Variants in NR3C2 observed in about 807,000 individuals in gnomAD.
The protein encoded by NR3C2 is mineralocorticoid receptor.
NR3C2 carries 15 observed loss-of-function variants against 86.4 expected under a neutral mutation model. The observed-to-expected ratio is 0.17, with a 90% confidence interval of 0.12 to 0.27. The LOEUF (loss-of-function observed/expected upper bound fraction) is 0.27, where lower values mean the gene tolerates loss of function less well. Among genes scored for constraint, NR3C2 ranks in the 10% least tolerant of loss-of-function variants. The pLI, the probability that NR3C2 is intolerant of heterozygous loss-of-function variation, is 1.00. For synonymous variants in NR3C2, 458 were observed against 450.5 expected, an observed-to-expected ratio of 1.02 and a Z score of -0.21; for missense variants, 960 against 1,195.6, an observed-to-expected ratio of 0.80 and a Z score of 2.91.
At chr4:148,412,840 CA>C (rs1579268602) in intron 2 of NR3C2, among the ~76,000 whole-genome samples, 2 of 130,200 alleles carry the variant, frequency 1.5e-5, no homozygotes, top group African/African-American at 2.7e-5. Flanking sequence ...CACACACACA[CA>C]CCCCTTAGTT....
At chr4:148,284,713 T>A (rs1168604926) in intron 2 of NR3C2, among the ~76,000 whole-genome samples, 5 of 152,154 alleles carry the variant, frequency 3.3e-5, no homozygotes, top group African/African-American at 1.2e-4. Context: ...ATCCAATTAG[T>A]GCTTTCTGCC....
At chr4:148,296,221 T>C (rs1008980762) in intron 2 of NR3C2, among the ~76,000 whole-genome samples, 2 of 152,008 alleles carry the variant, frequency 1.3e-5, no homozygotes, top group African/African-American at 4.8e-5. Flanking sequence ...AGAATGAAAG[T>C]ACATTTTTTT....
At chr4:148,104,345 T>C (rs978426978) in intron 8 of NR3C2, among the ~76,000 whole-genome samples, 5 of 138,372 alleles carry the variant, frequency 3.6e-5, no homozygotes, top group Non-Finnish European at 7.7e-5. Flanking sequence ...TGGTTTGGTT[T>C]TTTTTTTTTT....
At chr4:148,304,139 CT>C (rs35745299) in intron 2 of NR3C2, among the ~76,000 whole-genome samples, 42,048 of 151,856 alleles carry the variant, frequency 0.28, 5,875 homozygotes, top group Middle Eastern at 0.44. Flanking sequence ...CCTGAGTTTC[CT>C]TTTTCCGCCT....
At chr4:148,205,281 A>G (rs748868046) in intron 3 of NR3C2, among the ~76,000 whole-genome samples, 3 of 152,264 alleles carry the variant, frequency 2.0e-5, no homozygotes, top group Non-Finnish European at 4.4e-5. Context: ...GTTTTGCCAC[A>G]TGCACAAATA....
intron 3 of NR3C2, among the ~76,000 whole-genome samples, chr4:148,210,729 C>T (rs527362461): frequency 6.6e-6 from 1 of 152,252 alleles, no homozygotes; most frequent in South Asian, 2.1e-4. Context: ...AAGTGCAAAG[C>T]AATCATAATA....
chr4:148,153,998 T>A (rs894742433), intron 5 of NR3C2, among the ~76,000 whole-genome samples: 1 of 151,002 alleles, frequency 6.6e-6, no homozygotes, highest in Admixed American at 6.6e-5. Context: ...TATGTCATTT[T>A]TTTTATTTTT....
chr4:148,222,922 C>T (rs1002609435), intron 3 of NR3C2, among the ~76,000 whole-genome samples: 1 of 151,800 alleles, frequency 6.6e-6, no homozygotes, highest in African/African-American at 2.4e-5. Context: ...ATAGTAAGAC[C>T]TATATACATA....
chr4:148,404,735 AGGAAAT>A (rs1313272723), intron 2 of NR3C2, among the ~76,000 whole-genome samples: 1 of 152,176 alleles, frequency 6.6e-6, no homozygotes, highest in Non-Finnish European at 1.5e-5. Context: ...ATAAAAAAGG[AGGAAAT>A]GTACTTAGGG....
intron 2 of NR3C2, among the ~76,000 whole-genome samples, chr4:148,264,258 A>C (rs61760302): frequency 3.5e-4 from 54 of 152,218 alleles, no homozygotes; most frequent in Non-Finnish European, 7.2e-4. Flanking sequence ...TCTAGTCTCT[A>C]TTGACACACT....
chr4:148,382,445 T>C (rs1747047013), intron 2 of NR3C2, among the ~76,000 whole-genome samples: 1 of 152,298 alleles, frequency 6.6e-6, no homozygotes, highest in African/African-American at 2.4e-5. Flanking sequence ...CCTAATGCTA[T>C]TGTACTTGTC....
chr4:148,301,313 C>G (rs1742326441), intron 2 of NR3C2, among the ~76,000 whole-genome samples: 1 of 152,196 alleles, frequency 6.6e-6, no homozygotes, highest in African/African-American at 2.4e-5. Context: ...GTGGTACCTT[C>G]TGGCCCATGG....
At chr4:148,157,190 G>T in intron 4 of NR3C2, among the ~76,000 whole-genome samples, 1 of 148,586 alleles carries the variant, frequency 6.7e-6, no homozygotes. Context: ...AGCATTAGGA[G>T]ATATACCTAA....
chr4:148,113,053 C>G (rs1732115264), intron 8 of NR3C2, among the ~76,000 whole-genome samples: 1 of 152,150 alleles, frequency 6.6e-6, no homozygotes, highest in Non-Finnish European at 1.5e-5. Flanking sequence ...ATTGGAGAAG[C>G]TGCTTGCAAA....
At chr4:148,162,009 T>G (rs1407704928) in intron 4 of NR3C2, among the ~76,000 whole-genome samples, 1 of 152,154 alleles carries the variant, frequency 6.6e-6, no homozygotes, top group Non-Finnish European at 1.5e-5. Context: ...GGTTTGCTTT[T>G]GGTGTGAGGC....
chr4:148,278,391 C>G (rs139993688), intron 2 of NR3C2, among the ~76,000 whole-genome samples: 113 of 152,206 alleles, frequency 7.4e-4, no homozygotes, highest in Non-Finnish European at 1.4e-3. Context: ...TGAGCCACTA[C>G]GCCCAGCCCA....
At chr4:148,346,743 G>C (rs1406030431) in intron 2 of NR3C2, among the ~76,000 whole-genome samples, 1 of 152,032 alleles carries the variant, frequency 6.6e-6, no homozygotes, top group Non-Finnish European at 1.5e-5. Flanking sequence ...GATATACCAG[G>C]CTAAACAAAT....
rs1005935110 is a variant in NR3C2 at position 148,081,191 on chromosome 4, C to T, written c.*153G>A. The T allele has an allele frequency of 7.2e-6, 8 of 1,108,958 alleles. No homozygotes were observed. In the East Asian group the frequency reaches 7.8e-5, roughly 11 times the overall value. 68.7% of individuals were successfully genotyped at this position (1,108,958 alleles called of 1,614,324 possible). The stretch of plus-strand genomic sequence containing the variant: ...CAAATCCACGGAAAAACAGCTTTCC[C>T]GGCTCCAAACCTCTGACATGACTTT... On this transcript the variant is annotated 3_prime_UTR_variant, in exon 9 of 9. Transcript: ENST00000358102.
chr4:148,384,833 C>T (rs1489353614), intron 2 of NR3C2, among the ~76,000 whole-genome samples: 3 of 152,164 alleles, frequency 2.0e-5, no homozygotes, highest in Non-Finnish European at 4.4e-5. Flanking sequence ...TACTGAACCA[C>T]TCTGCAATTC....
Sources: allele counts gnomAD v4.1 joint callset (sites outside exome capture counted in the v4.1 genomes callset), GRCh38; gene constraint gnomAD v4.1.1; transcripts MANE v1.5; gene names NCBI Gene and HGNC (gene_info 2026-07-23, HGNC 2026-07-21).